SCAF8: variants seen among roughly 807,000 people sequenced by gnomAD.
The protein encoded by SCAF8 is SR-related CTD associated factor 8, also known as SR-related and CTD-associated factor 8.
A neutral mutation model predicts 140.5 loss-of-function variants in SCAF8; 23 were observed. That is an observed-to-expected ratio of 0.16 (90% CI 0.12 to 0.23). The LOEUF is 0.23. Among genes scored for constraint, SCAF8 ranks in the 10% least tolerant of loss-of-function variants. SCAF8 has a pLI of 1.00. For synonymous variants in SCAF8, 575 were observed against 528.9 expected, an observed-to-expected ratio of 1.09 and a Z score of -1.20; for missense variants, 1,397 against 1,555.7, an observed-to-expected ratio of 0.90 and a Z score of 1.72.
At chr6:154,816,036 G>A (rs1482773743) in intron 13 of SCAF8, among the ~76,000 whole-genome samples, 2 of 152,110 alleles carry the variant, frequency 1.3e-5, no homozygotes, top group Admixed American at 6.5e-5. Context: ...ATGTTCTTGA[G>A]TTTTATAGCA....
chr6:154,787,614 T>C (rs958520036), intron 3 of SCAF8, among the ~76,000 whole-genome samples: 5 of 152,214 alleles, frequency 3.3e-5, no homozygotes, highest in African/African-American at 1.2e-4. Context: ...TTTATCACTT[T>C]GTTTTATGTC....
intron 3 of SCAF8, among the ~76,000 whole-genome samples, chr6:154,780,524 G>A (rs1240703914): frequency 3.4e-5 from 5 of 148,986 alleles, no homozygotes; most frequent in South Asian, 2.1e-4. Context: ...CCCTCCCCTC[G>A]TCCCCCACCC....
At position 154,784,155 on chromosome 6, in the gene SCAF8, A is replaced by ATATATATATATATATATT. The variant is rs1408182952; in HGVS notation, c.160-3703_160-3702insATATATATATATATTTAT. Reference sequence around the variant, plus strand: ...TATATATATATATATATATATATATATATTTATTTATTTATTTTTCATGTA... The same window carrying ATATATATATATATATATT: ...TATATATATATATATATATATATATATATATATATATATATATTTATTTATTTATTTATTTTTCATGTA... On this transcript the variant is annotated intron_variant, in intron 3 of 19. Coordinates refer to ENST00000367178, the MANE Select transcript of SCAF8 (RefSeq NM_014892.5). 1.9e-3 allele frequency among the ~76,000 whole-genome samples: 173 copies of ATATATATATATATATATT among 91,708 alleles called. 1 individual carries two copies. The highest frequency in any genetic ancestry group is 2.5e-3 in the Non-Finnish European group (112 of 44,430). The allele number at this position is 91,708 out of a possible 152,430, so 60.2% of individuals were successfully genotyped here.
intron 1 of SCAF8, among the ~76,000 whole-genome samples, chr6:154,772,649 C>T (rs1776803632): frequency 6.6e-6 from 1 of 152,152 alleles, no homozygotes; most frequent in Non-Finnish European, 1.5e-5. Flanking sequence ...TGATCATGCC[C>T]TTGAACTCCA....
rs1456159316 is a variant in SCAF8 at position 154,820,320 on chromosome 6, G to A, written c.1779G>A (p.Glu593=). Residue 593 remains glutamate (E), a synonymous_variant, in exon 15 of 20, where the codon GAG becomes GAA. Transcript: ENST00000367178. ...CAGAAGGAGGCATGATTGATCAGGA[G>A]ACTGTAAATACTGGTAAGAATTCTA... ...GFAEGGMIDQ[E]TVNTEWETVK... 3.1e-6 allele frequency: 5 copies of A among 1,608,204 alleles called. No individual in the cohort carries two copies. The South Asian group carries it at 5.6e-5, about 18-fold the overall frequency.
chr6:154,799,753 T>C (rs1023169913), intron 6 of SCAF8, among the ~76,000 whole-genome samples: 3 of 151,204 alleles, frequency 2.0e-5, no homozygotes, highest in Non-Finnish European at 3.0e-5. Context: ...AAATGTCACT[T>C]TAATAAGGCC....
chr6:154,829,678 G>A (rs1778673371), intron 18 of SCAF8, among the ~76,000 whole-genome samples: 1 of 152,134 alleles, frequency 6.6e-6, no homozygotes, highest in South Asian at 2.1e-4. Flanking sequence ...AGGCTGAGGT[G>A]GGTGGATCAC....
At chr6:154,799,547 C>T (rs1777707178) in intron 6 of SCAF8, among the ~76,000 whole-genome samples, 1 of 151,236 alleles carries the variant, frequency 6.6e-6, no homozygotes, top group African/African-American at 2.4e-5. Flanking sequence ...TTATGTTGCC[C>T]ACCCCCAACC....
chr6:154,753,940 T>G (rs374360814), intron 1 of SCAF8, among the ~76,000 whole-genome samples: 1 of 152,314 alleles, frequency 6.6e-6, no homozygotes, highest in Middle Eastern at 3.4e-3. Flanking sequence ...TGGGCTCAAG[T>G]GATCCTCCCT....
intron 3 of SCAF8, among the ~76,000 whole-genome samples, chr6:154,781,083 T>TCCC: frequency 6.6e-6 from 1 of 152,282 alleles, no homozygotes; most frequent in Non-Finnish European, 1.5e-5. Context: ...TGTGAGAGTT[T>TCCC]ATCTCGTTGT....
chr6:154,789,300 A>G (rs139065992), intron 4 of SCAF8, among the ~76,000 whole-genome samples: 2,542 of 151,596 alleles, frequency 0.017, 27 homozygotes, highest in Non-Finnish European at 0.023. Context: ...TTTAGTAGAG[A>G]TGGAGTTTTG....
At chr6:154,734,058 T>G in intron 1 of SCAF8, 128 bp downstream of exon 1, 1 of 1,320,056 alleles carries the variant, frequency 7.6e-7, no homozygotes. Flanking sequence ...GGCCTAGCAG[T>G]GCCCGTGGGG....
At chr6:154,750,741 A>C (rs1778817149) in intron 1 of SCAF8, among the ~76,000 whole-genome samples, 1 of 152,200 alleles carries the variant, frequency 6.6e-6, no homozygotes, top group African/African-American at 2.4e-5. Context: ...GTCTACTGTA[A>C]GCAATTTATT....
chr6:154,750,356 G>A (rs759210329), intron 1 of SCAF8, among the ~76,000 whole-genome samples: 9 of 152,172 alleles, frequency 5.9e-5, no homozygotes, highest in Non-Finnish European at 1.3e-4. Context: ...TGAAGATTGA[G>A]GGGACCGTGT....
At chr6:154,783,062 T>C (rs1380835620) in intron 3 of SCAF8, among the ~76,000 whole-genome samples, 1 of 152,212 alleles carries the variant, frequency 6.6e-6, no homozygotes, top group African/African-American at 2.4e-5. Context: ...TCCTGAATCC[T>C]AAAGGCAATA....
chr6:154,791,647 T>TTA (rs1554261379), intron 4 of SCAF8, among the ~76,000 whole-genome samples: 3 of 151,778 alleles, frequency 2.0e-5, no homozygotes, highest in African/African-American at 7.3e-5. Context: ...TTTGTTTTTT[T>TTA]AAAAAATGTG....
intron 3 of SCAF8, among the ~76,000 whole-genome samples, chr6:154,784,453 CTTTA>C (rs1777192886): frequency 1.3e-5 from 2 of 152,080 alleles, no homozygotes; most frequent in African/African-American, 2.4e-5. Context: ...TTGCCTCTTG[CTTTA>C]TTTAAGAAAC....
At chr6:154,752,913 GTCA>G (rs1390835270) in intron 1 of SCAF8, among the ~76,000 whole-genome samples, 1 of 152,090 alleles carries the variant, frequency 6.6e-6, no homozygotes, top group East Asian at 1.9e-4. Flanking sequence ...ATTATTACTG[GTCA>G]TCATTTAAAA....
In SCAF8 at chr6:154,815,831, T is replaced by A; in HGVS notation, c.1521+15T>A. ...AATCCATTAATGCAAGTATCAGTTCTTAATAATTTAAGGTTTTAAAAAAGG... is the reference window on the plus strand; with the variant it reads ...AATCCATTAATGCAAGTATCAGTTCATAATAATTTAAGGTTTTAAAAAAGG... On this transcript the variant is annotated intron_variant, in intron 13 of 19. Transcript: ENST00000367178. 1 of 1,514,528 alleles carries A rather than the reference T, an allele frequency of 6.6e-7. No individual in the cohort carries two copies. The allele number at this position is 1,514,528 out of a possible 1,614,324, so 93.8% of individuals were successfully genotyped here. A position where few individuals can be genotyped will look rare whatever the true frequency, so the allele number is the denominator to read the frequency against.
Sources: gnomAD v4.1 joint callset for allele counts (sites outside exome capture counted in the v4.1 genomes callset) on GRCh38, gnomAD v4.1.1 for gene constraint, MANE v1.5 for transcripts, NCBI Gene and HGNC (gene_info 2026-07-23, HGNC 2026-07-21) for gene names.